Variants in CD96 observed in about 807,000 individuals in gnomAD.
CD96 encodes CD96 molecule, also known as T-cell surface protein tactile.
CD96 carries 70 observed loss-of-function variants against 71.3 expected under a neutral mutation model. The ratio of observed to expected loss-of-function variants is 0.98; its 90% CI spans 0.81 to 1.20. CD96 has a LOEUF of 1.20. Ranked by LOEUF, CD96 falls within the 50% of genes most tolerant of loss-of-function variation. The pLI, the probability that CD96 is intolerant of heterozygous loss-of-function variation, is 0.00. For missense variants in CD96, 742 were observed against 677.5 expected, an observed-to-expected ratio of 1.10 and a Z score of -1.06; for synonymous variants, 248 against 233.0, an observed-to-expected ratio of 1.06 and a Z score of -0.59.
chr3:111,566,538 A>G (rs1235450840), intron 2 of CD96, among the ~76,000 whole-genome samples: 1 of 152,210 alleles, frequency 6.6e-6, no homozygotes, highest in African/African-American at 2.4e-5. Context: ...CTATGAGAAT[A>G]CATGCATGTA....
chr3:111,641,890 T>C lies in CD96; in HGVS notation c.1477+3722T>C, dbSNP rs150591454. 2.5e-3 allele frequency among the ~76,000 whole-genome samples: 386 copies of C among 152,332 alleles called. 1 individual carries two copies. Among genetic ancestry groups the C allele is most frequent in the African/African-American group, 8.6e-3 (359 of 41,572 alleles). ...ACACGAAAATTAAATAACCTGCTCCTGAATGAGCATTGGGTCAAAAATGAA... is the reference window on the plus strand; with the variant it reads ...ACACGAAAATTAAATAACCTGCTCCCGAATGAGCATTGGGTCAAAAATGAA... On this transcript the variant is annotated intron_variant, in intron 12 of 13. Transcript: ENST00000352690.
intron 8 of CD96, among the ~76,000 whole-genome samples, chr3:111,612,604 G>T (rs578142929): frequency 6.6e-6 from 1 of 152,156 alleles, no homozygotes; most frequent in African/African-American, 2.4e-5. Flanking sequence ...GCACAAAGAG[G>T]TTAAATAACT....
At chr3:111,580,858 G>T (rs1220292078) in intron 4 of CD96, among the ~76,000 whole-genome samples, 1 of 152,186 alleles carries the variant, frequency 6.6e-6, no homozygotes, top group Non-Finnish European at 1.5e-5. Context: ...GACTGTCTTA[G>T]TGCAAACATG....
rs748496793 is a variant in CD96 at position 111,579,146 on chromosome 3, A to C, written c.663A>C (p.Gln221His). 1.6e-5 allele frequency: 25 copies of C among 1,606,740 alleles called. No individual in the cohort carries two copies. Among genetic ancestry groups the C allele is most frequent in the South Asian group, 8.8e-5 (8 of 90,948 alleles). The change falls in exon 4 of 14, where the codon CAA becomes CAC. Residue 221 changes from glutamine to histidine, a missense_variant. Physicochemically the swap from Gln to His is conservative, Grantham distance 24 (BLOSUM62 0). Coordinates refer to ENST00000352690, the MANE Select transcript of CD96 (RefSeq NM_005816.5). ...TDYRLHLSPV[Q>H]IFDDGRKFSC... Reference sequence around the variant, plus strand: ...ACAGACTCCACCTCTCTCCAGTCCAAATCTTCGATGATGGGCGGAAGTTCT... The same window carrying C: ...ACAGACTCCACCTCTCTCCAGTCCACATCTTCGATGATGGGCGGAAGTTCT...
At chr3:111,587,694 C>T (rs9858109) in intron 5 of CD96, among the ~76,000 whole-genome samples, 131,925 of 152,206 alleles carry the variant, frequency 0.87, 57,819 homozygotes, top group East Asian at 0.95. Context: ...TCCAGGCATT[C>T]CCATACATCT....
downstream of CD96, among the ~76,000 whole-genome samples, chr3:111,656,578 G>A (rs561209784): frequency 6.6e-6 from 1 of 152,290 alleles, no homozygotes; most frequent in Admixed American, 6.5e-5. Context: ...ATCATTATGT[G>A]TATTCACAAA....
At position 111,637,240 on chromosome 3, in the gene CD96, G is replaced by C. The variant is rs1310959990; in HGVS notation, c.1366G>C (p.Gly456Arg). 6.3e-7 allele frequency: 1 copy of C among 1,579,800 alleles called. No homozygotes were observed. Among genetic ancestry groups the C allele is most frequent in the Admixed American group, 1.7e-5 (1 of 59,960 alleles). ...TGAAACATACAGTTCATCCCCGTCA[G>C]GTGCAGGCTCAACACTTCATGGTGA... ...PSETYSSSPSGAGSTLHDNVF... is the reference protein window; with the variant it reads ...PSETYSSSPSRAGSTLHDNVF... The change falls in exon 11 of 14, where the codon GGT (glycine) becomes CGT (arginine). Residue 456 changes from glycine to arginine, a missense_variant. Gly to Arg is a moderately radical substitution (Grantham distance 125). Coordinates refer to ENST00000352690, the MANE Select transcript of CD96 (RefSeq NM_005816.5).
rs145223025 is a variant in CD96 at position 111,552,555 on chromosome 3, G to C, written c.418+7153G>C. Among the ~76,000 whole-genome samples the C allele has an allele frequency of 3.5e-3, 534 of 152,176 alleles. 4 individuals are homozygous for C. Among genetic ancestry groups the C allele is most frequent in the African/African-American group, 0.012 (503 of 41,466 alleles). The stretch of plus-strand genomic sequence containing the variant: ...CCAAATACTAAATATTTTAGGCTTT[G>C]TGGTCCATGTAGTCTCTGTCACAAC... On this transcript the variant is annotated intron_variant, in intron 2 of 13. Transcript: ENST00000352690.
At chr3:111,546,560 G>A (rs952909380) in intron 2 of CD96, among the ~76,000 whole-genome samples, 1 of 152,022 alleles carries the variant, frequency 6.6e-6, no homozygotes, top group Admixed American at 6.6e-5. Flanking sequence ...AAATTACCTG[G>A]TCCTAAAGTA....
rs550284848 is a variant in CD96 at position 111,550,871 on chromosome 3, C to T, written c.418+5469C>T. 6.6e-5 allele frequency among the ~76,000 whole-genome samples: 10 copies of T among 152,226 alleles called. No homozygotes were observed. In the East Asian group the frequency reaches 7.7e-4, roughly 12 times the overall value. On this transcript the variant is annotated intron_variant, in intron 2 of 13. Transcript: ENST00000352690. ...GTATGAAATGGTAGTGAAAACAATT[C>T]GCACAAGGCTTTCTCCAGCAGTGAT...
chr3:111,622,011 G>C (rs1024220477), intron 8 of CD96, among the ~76,000 whole-genome samples: 1 of 152,196 alleles, frequency 6.6e-6, no homozygotes, highest in Non-Finnish European at 1.5e-5. Flanking sequence ...TACCGCACAA[G>C]AATCTGGTAC....
At chr3:111,625,440 T>C (rs1938705065) in intron 10 of CD96, among the ~76,000 whole-genome samples, 1 of 152,076 alleles carries the variant, frequency 6.6e-6, no homozygotes, top group African/African-American at 2.4e-5. Flanking sequence ...AAAGACAGTA[T>C]TCAGAAGGGG....
chr3:111,605,403 T>C (rs999532021), intron 7 of CD96, among the ~76,000 whole-genome samples: 3 of 152,142 alleles, frequency 2.0e-5, no homozygotes, highest in East Asian at 1.9e-4. Flanking sequence ...ATATTGCTTA[T>C]TGGATAGAGG....
intron 5 of CD96, among the ~76,000 whole-genome samples, chr3:111,586,552 T>G (rs1229355961): frequency 6.6e-6 from 1 of 152,186 alleles, no homozygotes; most frequent in Non-Finnish European, 1.5e-5. Context: ...ACTGGGTAAT[T>G]TATACAGGGA....
chr3:111,581,225 G>A (rs947641676), intron 4 of CD96, among the ~76,000 whole-genome samples: 9 of 151,836 alleles, frequency 5.9e-5, no homozygotes, highest in East Asian at 3.9e-4. Flanking sequence ...TAGATTTTTC[G>A]TGCTTCCTGG....
rs1302716334 is a variant in CD96, at chr3:111,545,113, G to A, written c.129G>A (p.Leu43=). 1.2e-6 allele frequency: 2 copies of A among 1,614,038 alleles called. No individual in the cohort carries two copies. Among genetic ancestry groups the A allele is most frequent in the Non-Finnish European group, 1.7e-6 (2 of 1,180,030 alleles). Residue 43 remains leucine (L), a synonymous_variant, in exon 2 of 14, where the codon CTG becomes CTA. Transcript: ENST00000352690. ...CTACACTTGGCTCTGATGTCAACCT[G>A]ACCTGCCAAACACAGACAGTAGGCT... ...VYATLGSDVN[L]TCQTQTVGFF...
In CD96 at chr3:111,579,008, T is replaced by G; in HGVS notation, c.544-19T>G. 1 of 1,379,150 alleles carries G rather than the reference T, an allele frequency of 7.3e-7. No homozygotes were observed. The highest frequency in any genetic ancestry group is 1.0e-6 in the Non-Finnish European group (1 of 966,062). 85.4% of individuals were successfully genotyped at this position (1,379,150 alleles called of 1,614,324 possible). A position where few individuals can be genotyped will look rare whatever the true frequency, so the allele number is the denominator to read the frequency against. On this transcript the variant is annotated intron_variant, in intron 3 of 13. Transcript: ENST00000352690. ...GCACAGTTGAGGACTCAATAACTGG[T>G]AACAATTTTTCTCACCAGGAGGATA...
rs61733706 is a variant in CD96, at chr3:111,579,061, A to C, written c.578A>C (p.Gln193Pro). ...GGAACTCAGGAAACACTTATCTCCC[A>C]AAATCACCTCATCAGCAATTCCACA... ...DNGTQETLIS[Q>P]NHLISNSTLL... Residue 193 changes from glutamine (Q) to proline (P), a missense_variant, in exon 4 of 14, where the codon CAA becomes CCA. Coordinates refer to ENST00000352690, the MANE Select transcript of CD96 (RefSeq NM_005816.5). 1.1e-3 allele frequency: 1,775 copies of C among 1,609,162 alleles called. 20 individuals carry two copies. The African/African-American group carries it at 0.019, about 18-fold the overall frequency.
intron 10 of CD96, among the ~76,000 whole-genome samples, chr3:111,628,891 G>A (rs1938918975): frequency 6.6e-6 from 1 of 152,108 alleles, no homozygotes; most frequent in Non-Finnish European, 1.5e-5. Context: ...TTTCAACCCA[G>A]AATTTCATAT....
Sources: gnomAD v4.1 joint callset for allele counts (sites outside exome capture counted in the v4.1 genomes callset) on GRCh38, gnomAD v4.1.1 for gene constraint, MANE v1.5 for transcripts, NCBI Gene and HGNC (gene_info 2026-07-23, HGNC 2026-07-21) for gene names.